PTPRT: variants seen among roughly 807,000 people sequenced by gnomAD.
PTPRT encodes the protein protein tyrosine phosphatase receptor type T.
Under a neutral mutation model 176.8 loss-of-function variants are expected in PTPRT, and 56 were observed. That is an observed-to-expected ratio of 0.32 (90% CI 0.26 to 0.40). The LOEUF is 0.40. Ranked by LOEUF, PTPRT falls within the 10% of genes least tolerant of loss-of-function variation. The probability of loss-of-function intolerance (pLI) is 1.00; values close to 1 mark genes in which losing one functional copy is unlikely to be tolerated. For synonymous variants in PTPRT, 783 were observed against 739.0 expected (o/e 1.06, Z -0.96); for missense variants, 1,540 against 1,908.2 (o/e 0.81, Z 3.60).
intron 2 of PTPRT, among the ~76,000 whole-genome samples, chr20:42,852,707 T>TA (rs1360741518): frequency 6.6e-6 from 1 of 152,186 alleles, no homozygotes; most frequent in Non-Finnish European, 1.5e-5. Flanking sequence ...CCAGCCTAGA[T>TA]ACCTCCTCTA....
chr20:43,026,131 T>C (rs1191994444), intron 1 of PTPRT, among the ~76,000 whole-genome samples: 2 of 152,140 alleles, frequency 1.3e-5, no homozygotes, highest in African/African-American at 4.8e-5. Context: ...TTTTGTTTTT[T>C]CTCTGAGACG....
chr20:42,202,337 C>T (rs1191708043), intron 15 of PTPRT, among the ~76,000 whole-genome samples: 3 of 152,040 alleles, frequency 2.0e-5, no homozygotes, highest in African/African-American at 7.2e-5. Context: ...AAATGGAATT[C>T]TTTATTCACT....
chr20:42,778,278 G>A (rs896122154), intron 4 of PTPRT, among the ~76,000 whole-genome samples: 2 of 152,204 alleles, frequency 1.3e-5, no homozygotes, highest in African/African-American at 4.8e-5. Flanking sequence ...AGTGCTTGGA[G>A]GTAAGGCAGA....
In PTPRT at chr20:42,842,047, T is replaced by C. The variant is rs2078288401; in HGVS notation, c.214+43760A>G. Among the ~76,000 whole-genome samples, 2 of 152,196 alleles carry C rather than the reference T, an allele frequency of 1.3e-5. 1 individual carries two copies. The highest frequency in any genetic ancestry group is 4.1e-4 in the South Asian group (2 of 4,834). On this transcript the variant is annotated intron_variant, in intron 2 of 30. Transcript: ENST00000373187. ...CATCACAGTAATTTTTAAAAAAAAT[T>C]CCAGCTCCATTCCACATCTCTTAAG...
intron 1 of PTPRT, among the ~76,000 whole-genome samples, chr20:42,963,799 A>T (rs73907432): frequency 0.026 from 3,926 of 152,246 alleles, 191 homozygotes; most frequent in African/African-American, 0.089. Context: ...AAGTTTTAGG[A>T]AAAATTAAAT....
At chr20:42,948,436 C>T (rs1568695151) in intron 1 of PTPRT, among the ~76,000 whole-genome samples, 1 of 152,190 alleles carries the variant, frequency 6.6e-6, no homozygotes, top group African/African-American at 2.4e-5. Flanking sequence ...CTGCCCCTGG[C>T]CTGAGTGAAC....
chr20:42,060,851 T>C, the PTPRT span, among the ~76,000 whole-genome samples: 1 of 152,214 alleles, frequency 6.6e-6, no homozygotes, highest in Non-Finnish European at 1.5e-5. Flanking sequence ...GCCTTTGAAG[T>C]TCCTTGCATT....
chr20:42,265,942 TCA>T (rs1292857699), intron 13 of PTPRT, among the ~76,000 whole-genome samples: 1 of 152,154 alleles, frequency 6.6e-6, no homozygotes, highest in Non-Finnish European at 1.5e-5. Context: ...CTGAATCCTG[TCA>T]CTGTGCCAAG....
At chr20:42,856,400 A>G (rs1159224082) in intron 2 of PTPRT, among the ~76,000 whole-genome samples, 1 of 152,194 alleles carries the variant, frequency 6.6e-6, no homozygotes, top group Non-Finnish European at 1.5e-5. Context: ...CCCCCACAGT[A>G]GGTTTCACAC....
At chr20:42,910,383 G>A (rs1392968710) in intron 1 of PTPRT, among the ~76,000 whole-genome samples, 1 of 152,170 alleles carries the variant, frequency 6.6e-6, no homozygotes, top group Non-Finnish European at 1.5e-5. Context: ...CAGCTCAGTG[G>A]TAGAATCAAT....
chr20:43,124,298 A>G (rs774125771), intron 1 of PTPRT, among the ~76,000 whole-genome samples: 10 of 152,270 alleles, frequency 6.6e-5, no homozygotes, highest in Non-Finnish European at 1.3e-4. Context: ...TGTAAATTTC[A>G]CAACCGAGCT....
chr20:42,143,237 G>A (rs1237718740), intron 17 of PTPRT, among the ~76,000 whole-genome samples: 1 of 152,174 alleles, frequency 6.6e-6, no homozygotes, highest in Non-Finnish European at 1.5e-5. Flanking sequence ...GAGGGGCATG[G>A]AGGAAGCAGG....
intron 7 of PTPRT, among the ~76,000 whole-genome samples, chr20:42,589,127 A>G (rs1320684962): frequency 3.9e-5 from 6 of 152,188 alleles, no homozygotes; most frequent in Non-Finnish European, 2.9e-5. Context: ...TCATTGAGAC[A>G]TGGGCAGCAG....
intron 7 of PTPRT, among the ~76,000 whole-genome samples, chr20:42,649,362 T>C (rs1160652130): frequency 2.6e-5 from 4 of 152,154 alleles, no homozygotes; most frequent in Non-Finnish European, 4.4e-5. Flanking sequence ...ATCCCTCCCA[T>C]GACACGTGGG....
chr20:42,624,198 G>A (rs527287322), intron 7 of PTPRT, among the ~76,000 whole-genome samples: 1 of 152,022 alleles, frequency 6.6e-6, no homozygotes, highest in Non-Finnish European at 1.5e-5. Flanking sequence ...GGGAAACAAG[G>A]CATTATTTAT....
intron 25 of PTPRT, among the ~76,000 whole-genome samples, chr20:42,103,484 G>GAGAT (rs1402731811): frequency 6.6e-6 from 1 of 152,068 alleles, no homozygotes; most frequent in Non-Finnish European, 1.5e-5. Context: ...TTATGTTTTT[G>GAGAT]AGATGGAGTC....
At chr20:42,617,083 G>C (rs1369917100) in intron 7 of PTPRT, among the ~76,000 whole-genome samples, 2 of 136,956 alleles carry the variant, frequency 1.5e-5, no homozygotes, top group Non-Finnish European at 3.0e-5. Context: ...GTTTGTCATA[G>C]ATAGCTCTTA....
intron 2 of PTPRT, among the ~76,000 whole-genome samples, chr20:42,832,802 A>T (rs1335345497): frequency 1.7e-4 from 4 of 23,480 alleles, no homozygotes; most frequent in African/African-American, 3.6e-4. Context: ...AGGATTTGTT[A>T]AAAAAAAAAA....
At chr20:43,099,319 T>C (rs2012297258) in intron 1 of PTPRT, among the ~76,000 whole-genome samples, 1 of 152,122 alleles carries the variant, frequency 6.6e-6, no homozygotes, top group Non-Finnish European at 1.5e-5. Flanking sequence ...AATAAGTAAG[T>C]CAGGAATGGT....
Sources: allele counts gnomAD v4.1 joint callset (sites outside exome capture counted in the v4.1 genomes callset), GRCh38; gene constraint gnomAD v4.1.1; transcripts MANE v1.5; gene names NCBI Gene and HGNC (gene_info 2026-07-23, HGNC 2026-07-21).